STXBP5: variants seen among roughly 807,000 people sequenced by gnomAD.
STXBP5 encodes syntaxin binding protein 5, also known as syntaxin-binding protein 5.
In STXBP5, 50 loss-of-function variants were observed where a neutral mutation model predicts 152.4. That is an observed-to-expected ratio of 0.33 (90% CI 0.26 to 0.42). The LOEUF (loss-of-function observed/expected upper bound fraction) is 0.42, where lower values mean the gene tolerates loss of function less well. Among genes scored for constraint, STXBP5 ranks in the 10% least tolerant of loss-of-function variants. The probability of loss-of-function intolerance (pLI) is 1.00; values close to 1 mark genes in which losing one functional copy is unlikely to be tolerated. For missense variants in STXBP5, 1,167 were observed against 1,388.6 expected, an observed-to-expected ratio of 0.84 and a Z score of 2.54; for synonymous variants, 492 against 494.7, an observed-to-expected ratio of 0.99 and a Z score of 0.07.
chr6:147,247,419 C>A (rs1213047790), intron 4 of STXBP5, among the ~76,000 whole-genome samples: 1 of 152,126 alleles, frequency 6.6e-6, no homozygotes, highest in East Asian at 1.9e-4. Context: ...TCTACAAAGA[C>A]AACTGGTTGG....
intron 9 of STXBP5, among the ~76,000 whole-genome samples, chr6:147,299,797 A>G (rs115949575): frequency 1.2e-3 from 184 of 152,176 alleles, no homozygotes; most frequent in African/African-American, 4.2e-3. Context: ...GTTCTGTCCA[A>G]CATAGTACTG....
rs761203534 is a variant in STXBP5 at position 147,327,106 on chromosome 6, G to C, written c.1929-19G>C. On this transcript the variant is annotated intron_variant, in intron 17 of 27. Transcript: ENST00000321680. Reference sequence around the variant, plus strand: ...ATTATTTGTTTGTGCTAAAATGTTTGTTATTTTCCTATTCCCAGGGTGGTT... The same window carrying C: ...ATTATTTGTTTGTGCTAAAATGTTTCTTATTTTCCTATTCCCAGGGTGGTT... The C allele has an allele frequency of 8.3e-5, 133 of 1,604,790 alleles. 2 individuals are homozygous for C. The Admixed American group carries it at 2.3e-3, about 27-fold the overall frequency.
intron 21 of STXBP5, among the ~76,000 whole-genome samples, chr6:147,340,494 G>T (rs531607834): frequency 4.8e-4 from 73 of 151,968 alleles, no homozygotes; most frequent in Middle Eastern, 3.4e-3. Flanking sequence ...TTATGTACTA[G>T]CACTATGGCA....
At chr6:147,376,044 A>T (rs1021735489) in intron 26 of STXBP5, among the ~76,000 whole-genome samples, 3 of 152,222 alleles carry the variant, frequency 2.0e-5, no homozygotes, top group Non-Finnish European at 2.9e-5. Context: ...CTTGGATGGG[A>T]TGTCAGAGAC....
At chr6:147,379,719 A>G (rs1282120260) in intron 26 of STXBP5, among the ~76,000 whole-genome samples, 2 of 152,134 alleles carry the variant, frequency 1.3e-5, no homozygotes, top group African/African-American at 4.8e-5. Flanking sequence ...CTATTTGCAG[A>G]TGTAATCTTA....
chr6:147,309,612 G>A (rs994271678), intron 9 of STXBP5, among the ~76,000 whole-genome samples: 1 of 152,094 alleles, frequency 6.6e-6, no homozygotes, highest in African/African-American at 2.4e-5. Context: ...CATGATTTGA[G>A]TGACTTCGCA....
intron 4 of STXBP5, among the ~76,000 whole-genome samples, chr6:147,240,938 A>G (rs907106502): frequency 6.6e-6 from 1 of 152,180 alleles, no homozygotes; most frequent in Non-Finnish European, 1.5e-5. Context: ...TTGACATAGT[A>G]GGTACTTAGT....
At chr6:147,383,805 C>A (rs1445466973) in intron 27 of STXBP5, among the ~76,000 whole-genome samples, 1 of 151,908 alleles carries the variant, frequency 6.6e-6, no homozygotes, top group African/African-American at 2.4e-5. Flanking sequence ...GTCATTTCCT[C>A]CTTGCTCAAA....
intron 5 of STXBP5, among the ~76,000 whole-genome samples, chr6:147,260,973 A>G (rs1420268498): frequency 6.6e-6 from 1 of 152,082 alleles, no homozygotes; most frequent in Non-Finnish European, 1.5e-5. Flanking sequence ...TTACATATGT[A>G]TATATTTACA....
chr6:147,238,714 A>G (rs1778397312), intron 3 of STXBP5, among the ~76,000 whole-genome samples: 1 of 152,184 alleles, frequency 6.6e-6, no homozygotes, highest in African/African-American at 2.4e-5. Context: ...TATTTTCCGT[A>G]CCATTCTAGT....
intron 9 of STXBP5, among the ~76,000 whole-genome samples, chr6:147,303,547 A>G (rs1235549213): frequency 6.6e-6 from 1 of 152,180 alleles, no homozygotes; most frequent in East Asian, 1.9e-4. Context: ...GGAGTGGGGC[A>G]CTGCTGAAAA....
chr6:147,375,292 A>T (rs1445577572), intron 26 of STXBP5, among the ~76,000 whole-genome samples: 1 of 152,186 alleles, frequency 6.6e-6, no homozygotes, highest in Non-Finnish European at 1.5e-5. Flanking sequence ...GCTCAGTATC[A>T]TGCCTGAACA....
At chr6:147,282,853 C>T (rs970814299) in intron 8 of STXBP5, among the ~76,000 whole-genome samples, 1 of 152,048 alleles carries the variant, frequency 6.6e-6, no homozygotes, top group Non-Finnish European at 1.5e-5. Context: ...TCAGCTTTAC[C>T]AGAATCAGAT....
At chr6:147,282,827 A>G (rs1780765129) in intron 8 of STXBP5, among the ~76,000 whole-genome samples, 2 of 152,166 alleles carry the variant, frequency 1.3e-5, no homozygotes, top group African/African-American at 2.4e-5. Context: ...TTGCAGAGTA[A>G]GATTTTCTGT....
chr6:147,344,336 T>C lies in STXBP5; in HGVS notation c.2254+4952T>C, dbSNP rs185512461. On this transcript the variant is annotated intron_variant, in intron 21 of 27. Transcript: ENST00000321680. ...GTTTGCTTCCTAGCATAAAGAAAAT[T>C]AGTCTGAGTTAGTCACATTACTGAA... 3.9e-4 allele frequency among the ~76,000 whole-genome samples: 59 copies of C among 152,326 alleles called. No individual in the cohort carries two copies. In the Middle Eastern group the frequency reaches 0.017, roughly 44 times the overall value.
At chr6:147,319,930 C>T (rs191467446) in intron 16 of STXBP5, among the ~76,000 whole-genome samples, 1 of 150,008 alleles carries the variant, frequency 6.7e-6, no homozygotes, top group Admixed American at 6.7e-5. Flanking sequence ...CAGCCACGAC[C>T]TCCTGGGCTC....
chr6:147,240,343 A>G (rs941552137), intron 4 of STXBP5, among the ~76,000 whole-genome samples: 1 of 152,170 alleles, frequency 6.6e-6, no homozygotes, highest in Non-Finnish European at 1.5e-5. Flanking sequence ...CCTTCCCTCA[A>G]TAGTTTTGAG....
intron 26 of STXBP5, among the ~76,000 whole-genome samples, chr6:147,380,292 T>C (rs546522820): frequency 1.2e-3 from 184 of 151,630 alleles, no homozygotes; most frequent in African/African-American, 4.4e-3. Context: ...ATCAAGACAG[T>C]GTGGTACTGG....
intron 2 of STXBP5, among the ~76,000 whole-genome samples, chr6:147,218,614 G>T (rs1777300626): frequency 6.6e-6 from 1 of 152,078 alleles, no homozygotes; most frequent in Admixed American, 6.5e-5. Flanking sequence ...CTGAGTAACT[G>T]GGACCACAGG....
Sources: allele counts gnomAD v4.1 joint callset (sites outside exome capture counted in the v4.1 genomes callset), GRCh38; gene constraint gnomAD v4.1.1; transcripts MANE v1.5; gene names NCBI Gene and HGNC (gene_info 2026-07-23, HGNC 2026-07-21).